THSD7A: variants seen among roughly 807,000 people sequenced by gnomAD.
The protein encoded by THSD7A is thrombospondin type 1 domain containing 7A.
In THSD7A, 96 loss-of-function variants were observed where a neutral mutation model predicts 231.3. The observed-to-expected ratio is 0.41, with a 90% confidence interval of 0.35 to 0.49. The LOEUF (loss-of-function observed/expected upper bound fraction) is 0.49, where lower values mean the gene tolerates loss of function less well. Among genes scored for constraint, THSD7A ranks in the 20% least tolerant of loss-of-function variants. The probability of loss-of-function intolerance (pLI) is 0.05; values close to 1 mark genes in which losing one functional copy is unlikely to be tolerated. For missense variants in THSD7A, 2,290 were observed against 2,070.2 expected (o/e 1.11, Z -2.06); for synonymous variants, 940 against 743.3 (o/e 1.26, Z -4.30).
intron 1 of THSD7A, among the ~76,000 whole-genome samples, chr7:11,808,207 A>C (rs1784445973): frequency 1.3e-5 from 2 of 152,066 alleles, no homozygotes; most frequent in Non-Finnish European, 2.9e-5. Flanking sequence ...TCCAAAATTA[A>C]GTTGTTGCCA....
At chr7:11,561,585 C>T (rs1375035093) in intron 4 of THSD7A, among the ~76,000 whole-genome samples, 1 of 152,152 alleles carries the variant, frequency 6.6e-6, no homozygotes, top group Admixed American at 6.5e-5. Context: ...AATTAAGAAA[C>T]TGAGGCCAGG....
intron 1 of THSD7A, among the ~76,000 whole-genome samples, chr7:11,786,760 A>T (rs1214869055): frequency 4.1e-5 from 2 of 48,450 alleles, no homozygotes; most frequent in Non-Finnish European, 7.3e-5. Context: ...GTATAATAAT[A>T]AAAAAAAAAA....
chr7:11,556,978 G>C (rs1444014851), intron 4 of THSD7A, among the ~76,000 whole-genome samples: 4 of 151,974 alleles, frequency 2.6e-5, no homozygotes, highest in South Asian at 2.1e-4. Context: ...CCAGCTTCTT[G>C]AATCTGTAGG....
At chr7:11,656,221 T>A (rs2128370993) in intron 1 of THSD7A, among the ~76,000 whole-genome samples, 1 of 152,010 alleles carries the variant, frequency 6.6e-6, no homozygotes, top group South Asian at 2.1e-4. Context: ...GAATTAAGAG[T>A]GAATGCATGA....
intron 1 of THSD7A, among the ~76,000 whole-genome samples, chr7:11,761,846 A>G (rs1287299833): frequency 6.6e-6 from 1 of 152,026 alleles, no homozygotes; most frequent in Non-Finnish European, 1.5e-5. Flanking sequence ...TAGAGAACCT[A>G]TCACCCAAAT....
intron 1 of THSD7A, among the ~76,000 whole-genome samples, chr7:11,729,468 C>T (rs999738773): frequency 6.6e-6 from 1 of 151,604 alleles, no homozygotes; most frequent in South Asian, 2.1e-4. Flanking sequence ...AAGAAAGGCC[C>T]CAACTGCTAC....
chr7:11,774,708 T>C (rs1783345544), intron 1 of THSD7A, among the ~76,000 whole-genome samples: 1 of 152,228 alleles, frequency 6.6e-6, no homozygotes, highest in Admixed American at 6.5e-5. Context: ...AATCATACAA[T>C]TAGCTTTGCC....
intron 1 of THSD7A, among the ~76,000 whole-genome samples, chr7:11,770,347 G>T (rs539851163): frequency 1.5e-3 from 235 of 152,146 alleles, no homozygotes; most frequent in African/African-American, 5.4e-3. Context: ...AATTGCAATT[G>T]CCATAATCTG....
intron 1 of THSD7A, among the ~76,000 whole-genome samples, chr7:11,696,234 G>C (rs1480648617): frequency 1.3e-5 from 2 of 151,342 alleles, no homozygotes; most frequent in African/African-American, 4.8e-5. Flanking sequence ...TGGCAACATG[G>C]TTGGAAATTA....
intron 6 of THSD7A, chr7:11,519,949 AT>A (rs1562679882): frequency 6.6e-6 from 1 of 152,008 alleles, no homozygotes; most frequent in Non-Finnish European, 1.5e-5. Context: ...AGTATATTCA[AT>A]TTTTCAGAAT....
At chr7:11,751,927 G>A (rs1432065479) in intron 1 of THSD7A, among the ~76,000 whole-genome samples, 2 of 152,092 alleles carry the variant, frequency 1.3e-5, no homozygotes, top group Non-Finnish European at 2.9e-5. Context: ...AGGCAATCAT[G>A]TCAGGGTAAC....
chr7:11,426,530 T>C, intron 15 of THSD7A, 136 bp downstream of exon 15: 1 of 938,630 alleles, frequency 1.1e-6, no homozygotes, highest in Non-Finnish European at 1.5e-6. Flanking sequence ...AGAAAAAAAT[T>C]CTTTAATGGA....
intron 1 of THSD7A, among the ~76,000 whole-genome samples, chr7:11,725,276 T>G (rs1049319679): frequency 2.0e-5 from 3 of 152,020 alleles, no homozygotes; most frequent in African/African-American, 4.8e-5. Flanking sequence ...ATAAATGGGA[T>G]GTACTTTTAT....
At chr7:11,551,899 T>C (rs1789643989) in intron 4 of THSD7A, among the ~76,000 whole-genome samples, 1 of 151,984 alleles carries the variant, frequency 6.6e-6, no homozygotes, top group Non-Finnish European at 1.5e-5. Flanking sequence ...CATGCATATG[T>C]TCATCACAGA....
At chr7:11,773,439 A>C (rs1454588406) in intron 1 of THSD7A, among the ~76,000 whole-genome samples, 1 of 152,138 alleles carries the variant, frequency 6.6e-6, no homozygotes, top group Non-Finnish European at 1.5e-5. Context: ...CTGAGGCAGG[A>C]GAATTGCTTG....
In THSD7A at chr7:11,774,838, T is replaced by A. The variant is rs140732225; in HGVS notation, c.190+56919A>T. Among the ~76,000 whole-genome samples, 354 of 152,274 alleles carry A rather than the reference T, an allele frequency of 2.3e-3. 1 individual carries two copies. The highest frequency in any genetic ancestry group is 8.0e-3 in the African/African-American group (332 of 41,550). On this transcript the variant is annotated intron_variant, in intron 1 of 27. Coordinates refer to ENST00000423059, the MANE Select transcript of THSD7A (RefSeq NM_015204.3). ...GGGAGGACGAGGTGGACAAATCACC[T>A]GAGGACGGGAGTTCGAGACCAGCCT...
chr7:11,483,350 C>T (rs1786507327), intron 6 of THSD7A, among the ~76,000 whole-genome samples: 1 of 152,148 alleles, frequency 6.6e-6, no homozygotes, highest in Non-Finnish European at 1.5e-5. Flanking sequence ...AATGCACCTA[C>T]GTGTTAATAG....
At chr7:11,550,639 A>C (rs982251078) in intron 4 of THSD7A, among the ~76,000 whole-genome samples, 1 of 152,128 alleles carries the variant, frequency 6.6e-6, no homozygotes, top group Non-Finnish European at 1.5e-5. Flanking sequence ...AGGCCTTCCC[A>C]GCGATGTGGA....
intron 4 of THSD7A, among the ~76,000 whole-genome samples, chr7:11,564,928 A>G (rs1160599780): frequency 6.6e-6 from 1 of 152,222 alleles, no homozygotes; most frequent in Non-Finnish European, 1.5e-5. Flanking sequence ...TAACAATTTC[A>G]TCATTGTTAG....
Sources: gnomAD v4.1 joint callset for allele counts (sites outside exome capture counted in the v4.1 genomes callset) on GRCh38, gnomAD v4.1.1 for gene constraint, MANE v1.5 for transcripts, NCBI Gene and HGNC (gene_info 2026-07-23, HGNC 2026-07-21) for gene names.